DOCK2: variants seen among roughly 807,000 people sequenced by gnomAD.
DOCK2 encodes dedicator of cytokinesis protein 2.
In DOCK2, 87 loss-of-function variants were observed where a neutral mutation model predicts 248.9. The ratio of observed to expected loss-of-function variants is 0.35; its 90% confidence interval spans 0.29 to 0.42. DOCK2 has a LOEUF of 0.42. DOCK2 is among the 10% of genes least tolerant of loss of function. The pLI is 1.00. For synonymous variants in DOCK2, 805 were observed against 821.6 expected, an observed-to-expected ratio of 0.98 and a Z score of 0.35; for missense variants, 1,747 against 2,300.2, an observed-to-expected ratio of 0.76 and a Z score of 4.92.
intron 32 of DOCK2, among the ~76,000 whole-genome samples, chr5:170,015,214 G>A (rs771606884): frequency 1.2e-4 from 18 of 152,130 alleles, no homozygotes; most frequent in South Asian, 2.1e-4. Flanking sequence ...GCAATGTGCC[G>A]GACACTGTGC....
intron 22 of DOCK2, among the ~76,000 whole-genome samples, chr5:169,733,727 G>T (rs915041747): frequency 4.6e-5 from 7 of 151,884 alleles, no homozygotes; most frequent in African/African-American, 1.7e-4. Flanking sequence ...CTCATTTTTT[G>T]TTTACTGTCA....
intron 41 of DOCK2, among the ~76,000 whole-genome samples, chr5:170,051,015 A>G (rs1381104403): frequency 2.6e-5 from 4 of 152,200 alleles, no homozygotes; most frequent in African/African-American, 9.7e-5. Context: ...ATTTATTTAC[A>G]AAAATATAAT....
intron 2 of DOCK2, among the ~76,000 whole-genome samples, chr5:169,666,538 A>AT (rs2113261720): frequency 6.6e-6 from 1 of 152,164 alleles, no homozygotes; most frequent in East Asian, 1.9e-4. Context: ...CTGTCCAGGA[A>AT]TTTTTCTCTT....
intron 27 of DOCK2, among the ~76,000 whole-genome samples, chr5:169,977,302 T>G (rs1777750357): frequency 6.6e-6 from 1 of 152,228 alleles, no homozygotes; most frequent in Non-Finnish European, 1.5e-5. Context: ...TTGGGAGTGC[T>G]TGATGTGTCC....
intron 2 of DOCK2, among the ~76,000 whole-genome samples, chr5:169,665,060 ATAAG>A (rs1403731755): frequency 7.5e-5 from 4 of 53,576 alleles, no homozygotes; most frequent in African/African-American, 1.6e-4. Flanking sequence ...ATGTTTATAT[ATAAG>A]TATCAGCATA....
intron 10 of DOCK2, among the ~76,000 whole-genome samples, chr5:169,697,807 A>T (rs746985761): frequency 6.6e-6 from 1 of 152,060 alleles, no homozygotes; most frequent in Non-Finnish European, 1.5e-5. Flanking sequence ...TATAATCCCC[A>T]TTCTAGTGTA....
intron 25 of DOCK2, among the ~76,000 whole-genome samples, chr5:169,783,081 T>G (rs1765797440): frequency 6.6e-6 from 1 of 152,188 alleles, no homozygotes; most frequent in Non-Finnish European, 1.5e-5. Context: ...GAATATTTTA[T>G]AGTAGAGATA....
chr5:169,687,716 T>C (rs1206838540), intron 8 of DOCK2, among the ~76,000 whole-genome samples: 2 of 152,190 alleles, frequency 1.3e-5, no homozygotes, highest in Non-Finnish European at 2.9e-5. Context: ...CCTGGAGTGA[T>C]GGGACTGACC....
chr5:169,805,471 T>C (rs1011261270), intron 26 of DOCK2, among the ~76,000 whole-genome samples: 8 of 152,212 alleles, frequency 5.3e-5, no homozygotes, highest in African/African-American at 1.9e-4. Context: ...ATTTTAGTAA[T>C]GCTCAGATCC....
chr5:169,714,388 T>G lies in DOCK2; in HGVS notation c.1872T>G (p.Arg624=), dbSNP rs773244975. 6.2e-7 allele frequency: 1 copy of G among 1,614,050 alleles called. No homozygotes were observed. Among genetic ancestry groups the G allele is most frequent in the East Asian group, 2.2e-5 (1 of 44,880 alleles). ...GCTTGCTGGGTTTGCTGAAGTGGCG[T>G]ATGAAGCCTCAACTGCTACAGGAGA... ...NVGLLGLLKW[R]MKPQLLQENL... The change falls in exon 19 of 52, where the codon CGT becomes CGG. Residue 624 remains arginine, a synonymous_variant. Transcript: ENST00000520908.
At chr5:169,887,126 C>A (rs6893156) in intron 27 of DOCK2, among the ~76,000 whole-genome samples, 1 of 152,136 alleles carries the variant, frequency 6.6e-6, no homozygotes, top group Non-Finnish European at 1.5e-5. Flanking sequence ...GGCCTTCCTG[C>A]CTTCTTCAGG....
chr5:169,921,554 T>C (rs1314741376), intron 27 of DOCK2, among the ~76,000 whole-genome samples: 1 of 152,244 alleles, frequency 6.6e-6, no homozygotes, highest in Non-Finnish European at 1.5e-5. Context: ...CTCCTCTTCG[T>C]AGGAATTTGC....
At position 170,019,119 on chromosome 5, in the gene DOCK2, A is replaced by G. The variant is rs767444056; in HGVS notation, c.3381+11A>G. On this transcript the variant is annotated intron_variant, in intron 33 of 51. Coordinates refer to ENST00000520908, the MANE Select transcript of DOCK2 (RefSeq NM_004946.3). Reference sequence around the variant, plus strand: ...GGGGATTTCAAAAAGGTAAAAAATGAGGCCGGAAACTCATGCCAGCATGCC... The same window carrying G: ...GGGGATTTCAAAAAGGTAAAAAATGGGGCCGGAAACTCATGCCAGCATGCC... 1.2e-6 allele frequency: 2 copies of G among 1,613,976 alleles called. No individual in the cohort carries two copies. Among genetic ancestry groups the G allele is most frequent in the South Asian group, 1.1e-5 (1 of 91,080 alleles).
intron 22 of DOCK2, among the ~76,000 whole-genome samples, chr5:169,723,964 T>C (rs1469238810): frequency 6.6e-6 from 1 of 152,158 alleles, no homozygotes; most frequent in Non-Finnish European, 1.5e-5. Context: ...TGGACACCAT[T>C]TCTAGCCCCC....
chr5:169,840,500 A>C (rs537124210), intron 26 of DOCK2, among the ~76,000 whole-genome samples: 2 of 152,168 alleles, frequency 1.3e-5, no homozygotes, highest in Non-Finnish European at 2.9e-5. Flanking sequence ...TCCAAAGCCT[A>C]AGTTAAGCCA....
chr5:169,707,196 T>C (rs1001225480), intron 14 of DOCK2, among the ~76,000 whole-genome samples: 4 of 152,176 alleles, frequency 2.6e-5, no homozygotes, highest in African/African-American at 9.7e-5. Flanking sequence ...ACCATAGAAG[T>C]AGGCATTGTT....
chr5:169,985,057 A>G lies in DOCK2; in HGVS notation c.2899-771A>G, dbSNP rs912517609. Among the ~76,000 whole-genome samples the G allele has an allele frequency of 6.6e-5, 10 of 152,190 alleles. No homozygotes were observed. In the South Asian group the frequency reaches 1.2e-3, roughly 19 times the overall value. Reference sequence around the variant, plus strand: ...CAGCCTCCCGAGTAGCTGGGATTACAGTGTCTGCCACCACACCCAGATAAT... The same window carrying G: ...CAGCCTCCCGAGTAGCTGGGATTACGGTGTCTGCCACCACACCCAGATAAT... On this transcript the variant is annotated intron_variant, in intron 28 of 51. Coordinates refer to ENST00000520908, the MANE Select transcript of DOCK2 (RefSeq NM_004946.3).
intron 27 of DOCK2, among the ~76,000 whole-genome samples, chr5:169,936,034 A>G (rs1775977577): frequency 6.6e-6 from 1 of 152,188 alleles, no homozygotes; most frequent in African/African-American, 2.4e-5. Context: ...GGTGGGGGGA[A>G]CAACTGTAAA....
intron 45 of DOCK2, among the ~76,000 whole-genome samples, chr5:170,067,958 C>T (rs1164878255): frequency 6.6e-6 from 1 of 152,124 alleles, no homozygotes; most frequent in Admixed American, 6.5e-5. Context: ...TCTCACTGGG[C>T]AGATTCAGGT....
Sources: allele counts gnomAD v4.1 joint callset (sites outside exome capture counted in the v4.1 genomes callset), GRCh38; gene constraint gnomAD v4.1.1; transcripts MANE v1.5; gene names NCBI Gene and HGNC (gene_info 2026-07-23, HGNC 2026-07-21).